TOP2B: variants seen among roughly 807,000 people sequenced by gnomAD.
TOP2B encodes the protein DNA topoisomerase II beta.
TOP2B carries 51 observed loss-of-function variants against 193.5 expected under a neutral mutation model. The observed-to-expected ratio is 0.26, with a 90% CI of 0.21 to 0.33. The LOEUF (loss-of-function observed/expected upper bound fraction) is 0.33. Among genes scored for constraint, TOP2B ranks in the 10% least tolerant of loss-of-function variants. TOP2B has a pLI of 1.00. For synonymous variants in TOP2B, 634 were observed against 635.7 expected, an observed-to-expected ratio of 1.00 and a Z score of 0.04; for missense variants, 1,378 against 1,909.3, an observed-to-expected ratio of 0.72 and a Z score of 5.19.
At chr3:25,620,548 G>A in intron 22 of TOP2B, 134 bp downstream of exon 22, 1 of 862,340 alleles carries the variant, frequency 1.2e-6, no homozygotes, top group Non-Finnish European at 1.7e-6. Context: ...AAATTCAACT[G>A]AAGGGTAAAA....
At chr3:25,650,798 T>A (rs1703564622) in intron 1 of TOP2B, among the ~76,000 whole-genome samples, 1 of 152,228 alleles carries the variant, frequency 6.6e-6, no homozygotes, top group African/African-American at 2.4e-5. Flanking sequence ...TTAAAAGAAG[T>A]TATCCATTTG....
intron 33 of TOP2B, 65 bp from the exon 34 acceptor site, chr3:25,601,290 C>G: frequency 6.5e-7 from 1 of 1,531,610 alleles, no homozygotes; most frequent in Non-Finnish European, 8.8e-7. Context: ...GAAGAGAGTC[C>G]TATATAAATG....
At chr3:25,664,122 G>T (rs958359202) in intron 1 of TOP2B, 107 bp downstream of exon 1, 6 of 1,488,228 alleles carry the variant, frequency 4.0e-6, no homozygotes, top group Non-Finnish European at 5.4e-6. Context: ...GCGCCCGTTC[G>T]GGGGACGGGA....
intron 6 of TOP2B, 150 bp downstream of exon 6, chr3:25,637,065 T>G (rs1438612276): frequency 2.2e-5 from 14 of 638,018 alleles, no homozygotes; most frequent in Non-Finnish European, 2.7e-6. Context: ...TTCTGATGTC[T>G]CTTTACTCTG....
At chr3:25,632,663 A>G (rs1405212961) in intron 9 of TOP2B, 30 bp downstream of exon 9, 1 of 1,602,866 alleles carries the variant, frequency 6.2e-7, no homozygotes, top group Admixed American at 1.7e-5. Context: ...ATATGTATGC[A>G]TCATGTACAA....
intron 15 of TOP2B, among the ~76,000 whole-genome samples, chr3:25,627,971 G>C (rs1575574046): frequency 6.6e-6 from 1 of 151,244 alleles, no homozygotes; most frequent in East Asian, 2.0e-4. Context: ...TGAAGCATGA[G>C]AATCACTTGA....
intron 4 of TOP2B, among the ~76,000 whole-genome samples, chr3:25,640,583 T>C (rs1575581001): frequency 6.6e-6 from 1 of 152,006 alleles, no homozygotes; most frequent in African/African-American, 2.4e-5. Flanking sequence ...TACACAAAAA[T>C]GTTTGCTGAT....
intron 4 of TOP2B, among the ~76,000 whole-genome samples, chr3:25,639,299 C>T (rs1026612766): frequency 1.3e-5 from 2 of 152,062 alleles, no homozygotes; most frequent in Non-Finnish European, 2.9e-5. Context: ...GGTTAATATG[C>T]TTTCCACGTT....
rs1423586527 is a variant in TOP2B at position 25,599,462 on chromosome 3, G to C, written c.4683C>G (p.Gly1561=). The C allele has an allele frequency of 6.2e-7, 1 of 1,613,510 alleles. No homozygotes were observed. The highest frequency in any genetic ancestry group is 1.1e-5 in the South Asian group (1 of 91,002). The change falls in exon 35 of 36, where the codon GGC becomes GGG. Residue 1561 remains glycine (G), a synonymous_variant. Transcript: ENST00000264331. The part of the protein sequence containing the change: ...GSENEGDYNP[G]RKTSKTTSKK... Reference sequence around the variant, plus strand: ...TGCTTGTTGTTTTGGATGTTTTCCTGCCAGGGTTATAATCGCCTTCATTTT... The same window carrying C: ...TGCTTGTTGTTTTGGATGTTTTCCTCCCAGGGTTATAATCGCCTTCATTTT...
intron 2 of TOP2B, among the ~76,000 whole-genome samples, 199 bp downstream of exon 2, chr3:25,645,101 C>T (rs1005395757): frequency 3.9e-5 from 6 of 152,018 alleles, no homozygotes; most frequent in Non-Finnish European, 7.4e-5. Flanking sequence ...TGAGCCACTG[C>T]GCTCAGCCTC....
chr3:25,631,870 T>G (rs2125379679), intron 10 of TOP2B, among the ~76,000 whole-genome samples: 1 of 152,134 alleles, frequency 6.6e-6, no homozygotes, highest in South Asian at 2.1e-4. Flanking sequence ...TTTTGGAATT[T>G]GAGAAATACA....
chr3:25,645,403 G>T lies in TOP2B; in HGVS notation c.137C>A (p.Ser46Ter). The T allele has an allele frequency of 6.2e-7, 1 of 1,613,560 alleles. No individual in the cohort carries two copies. The highest frequency in any genetic ancestry group is 2.2e-5 in the East Asian group (1 of 44,866). ...CACTCTCTCAACAGACAACTTCTTT[G>T]AAGAATCATTTTTGTTGGCAGTTTC... Reference protein sequence around the residue: ...ESETANKNDSSKKLSVERVYQ... With the variant: ...ESETANKNDS The change falls in exon 2 of 36, where the codon TCA (serine) becomes TAA (stop). Residue 46 changes from serine (S) to a stop codon, truncating the protein, a stop_gained. Transcript: ENST00000264331. LOFTEE classifies it high-confidence loss of function.
chr3:25,645,324 A>T lies in TOP2B; in HGVS notation c.216T>A (p.Ile72=), dbSNP rs1254249000. The change falls in exon 2 of 36, where the codon ATT becomes ATA. Residue 72 remains isoleucine (I), a synonymous_variant. Transcript: ENST00000264331. The part of the protein sequence containing the change: ...EHILLRPDTY[I]GSVEPLTQFM... ...CCTGCGTCAATGGCTCCACTGACCC[A>T]ATATATGTATCAGGACGAAGAAGAA... The T allele has an allele frequency of 1.2e-6, 2 of 1,606,296 alleles. No individual in the cohort carries two copies. Among genetic ancestry groups the T allele is most frequent in the South Asian group, 1.1e-5 (1 of 89,550 alleles).
Position 25,642,303 on chromosome 3 carries a change from A to C in TOP2B, c.395+19T>G. On this transcript the variant is annotated intron_variant, in intron 4 of 35. Transcript: ENST00000264331. Reference sequence around the variant, plus strand: ...TGAATAAAACTTAGCATAAAAAATTAAACTTTAAATATACTTACGGATCAA... The same window carrying C: ...TGAATAAAACTTAGCATAAAAAATTCAACTTTAAATATACTTACGGATCAA... The C allele has an allele frequency of 6.9e-7, 1 of 1,459,150 alleles. No homozygotes were observed. The allele number at this position is 1,459,150 out of a possible 1,614,324, so 90.4% of individuals were successfully genotyped here.
chr3:25,633,367 A>G (rs532529086), intron 8 of TOP2B, among the ~76,000 whole-genome samples: 36 of 152,272 alleles, frequency 2.4e-4, no homozygotes, highest in African/African-American at 7.9e-4. Flanking sequence ...TACAGGGGAA[A>G]GGGTACACAA....
rs1200447975 is a variant in TOP2B at position 25,630,293 on chromosome 3, T to G, written c.1563+19A>C. 1.3e-6 allele frequency: 2 copies of G among 1,548,752 alleles called. No individual in the cohort carries two copies. Among genetic ancestry groups the G allele is most frequent in the Non-Finnish European group, 1.7e-6 (2 of 1,145,174 alleles). On this transcript the variant is annotated intron_variant, in intron 12 of 35. Coordinates refer to ENST00000264331, the MANE Select transcript of TOP2B (RefSeq NM_001330700.2). ...GTGTGCATGTGTGTATACACATATA[T>G]ATACACACACATACATACCTGTTTA...
At chr3:25,645,201 A>C in intron 2 of TOP2B, 99 bp downstream of exon 2, 1 of 1,144,264 alleles carries the variant, frequency 8.7e-7, no homozygotes, top group South Asian at 1.8e-5. Flanking sequence ...ATGAAATTAC[A>C]AATTTCCAAA....
chr3:25,598,509 T>C (rs1161577863), intron 35 of TOP2B, 32 bp from the exon 36 acceptor site: 6 of 1,516,096 alleles, frequency 4.0e-6, no homozygotes, highest in African/African-American at 1.4e-5. Context: ...TTAAAAGTTA[T>C]GAAAGGAAGT....
intron 1 of TOP2B, among the ~76,000 whole-genome samples, chr3:25,658,306 T>C (rs976446167): frequency 1.3e-5 from 2 of 151,738 alleles, no homozygotes; most frequent in African/African-American, 2.4e-5. Context: ...AGACTAACGA[T>C]TGAAAACTTG....
Sources: gnomAD v4.1 joint callset for allele counts (sites outside exome capture counted in the v4.1 genomes callset) on GRCh38, gnomAD v4.1.1 for gene constraint, MANE v1.5 for transcripts, NCBI Gene and HGNC (gene_info 2026-07-23, HGNC 2026-07-21) for gene names.